Variants in MVP observed in about 807,000 individuals in gnomAD.
MVP encodes the protein major vault protein, also known as lung resistance-related protein.
In MVP, 62 loss-of-function variants were observed where a neutral mutation model predicts 83.5. The observed-to-expected ratio is 0.74, with a 90% CI of 0.61 to 0.92. MVP has a LOEUF of 0.92. Ranked by LOEUF, MVP falls within the 40% of genes least tolerant of loss-of-function variation. The pLI, the probability that MVP is intolerant of heterozygous loss-of-function variation, is 0.00. For missense variants in MVP, 1,000 were observed against 1,203.4 expected, an observed-to-expected ratio of 0.83 and a Z score of 2.50; for synonymous variants, 505 against 504.1, an observed-to-expected ratio of 1.00 and a Z score of -0.02.
chr16:29,823,900 C>G (rs927884761), intron 1 of MVP, among the ~76,000 whole-genome samples: 2 of 151,556 alleles, frequency 1.3e-5, no homozygotes, highest in African/African-American at 4.8e-5. Context: ...GAACCTCACC[C>G]AGACCAATTA....
chr16:29,827,968 AT>A (rs1300526024), intron 1 of MVP, among the ~76,000 whole-genome samples: 1 of 151,974 alleles, frequency 6.6e-6, no homozygotes, highest in African/African-American at 2.4e-5. Context: ...ATTTTATTTT[AT>A]TTTTTTCCAA....
rs767057696 is a variant in MVP at position 29,844,536 on chromosome 16, A to G, written c.1678A>G (p.Lys560Glu). The stretch of plus-strand genomic sequence containing the variant: ...CCGGAAGGACCCCCAAGAGACGGCC[A>G]AGCTCTTTTCAGTGCCAGACTTTGT... ...NDRKDPQETA[K>E]LFSVPDFVGD... The change falls in exon 11 of 15, where the codon AAG becomes GAG. Residue 560 changes from lysine (K) to glutamate (E), a missense_variant. Coordinates refer to ENST00000357402, the MANE Select transcript of MVP (RefSeq NM_005115.5). 3 of 1,576,292 alleles carry G rather than the reference A, an allele frequency of 1.9e-6. No individual in the cohort carries two copies. In the East Asian group the frequency reaches 6.8e-5, roughly 35 times the overall value.
intron 12 of MVP, 29 bp downstream of exon 12, chr16:29,846,008 G>T (rs950510935): frequency 1.2e-6 from 2 of 1,613,594 alleles, no homozygotes; most frequent in Non-Finnish European, 8.5e-7. Flanking sequence ...GAGGAGACTG[G>T]CAGGGGCCGA....
At position 29,844,521 on chromosome 16, in the gene MVP, C is replaced by T. The variant is rs1596928809; in HGVS notation, c.1663C>T (p.Pro555Ser). Residue 555 changes from proline to serine, a missense_variant, in exon 11 of 15, where the codon CCC becomes TCC. Coordinates refer to ENST00000357402, the MANE Select transcript of MVP (RefSeq NM_005115.5). ...CTTTGAGGTGAATGACCGGAAGGAC[C>T]CCCAAGAGACGGCCAAGCTCTTTTC... ...WHFEVNDRKDPQETAKLFSVP... is the reference protein window; with the variant it reads ...WHFEVNDRKDSQETAKLFSVP... The T allele has an allele frequency of 1.3e-6, 2 of 1,558,286 alleles. No individual in the cohort carries two copies. The highest frequency in any genetic ancestry group is 1.4e-5 in the African/African-American group (1 of 73,172).
intron 6 of MVP, 117 bp from the exon 7 acceptor site, chr16:29,836,605 T>G: frequency 5.2e-6 from 4 of 773,444 alleles, no homozygotes; most frequent in East Asian, 2.7e-5. Context: ...ATCCCTGGAT[T>G]GGTAGAAATT....
At chr16:29,842,658 T>G (rs1450460282) in intron 10 of MVP, among the ~76,000 whole-genome samples, 1 of 151,906 alleles carries the variant, frequency 6.6e-6, no homozygotes, top group Admixed American at 6.6e-5. Context: ...TGGGTGAGGG[T>G]TCCTGCTGGG....
In MVP at chr16:29,844,699, C is replaced by A; in HGVS notation, c.1841C>A (p.Pro614His). 1 of 1,614,002 alleles carries A rather than the reference C, an allele frequency of 6.2e-7. No individual in the cohort carries two copies. Among genetic ancestry groups the A allele is most frequent in the South Asian group, 1.1e-5 (1 of 91,084 alleles). The change falls in exon 11 of 15, where the codon CCC (proline) becomes CAC (histidine). Residue 614 changes from proline (P) to histidine (H), a missense_variant. By Grantham distance (77) the Pro-to-His change is moderately conservative (BLOSUM62 -2). Coordinates refer to ENST00000357402, the MANE Select transcript of MVP (RefSeq NM_005115.5). ...FGFETSEAKG[P>H]DGMALPRPRD... is the part of the protein sequence containing the mutation. The stretch of plus-strand genomic sequence containing the variant: ...TTTGAGACCTCGGAAGCGAAGGGCC[C>A]CGATGGCATGGCCCTGCCCAGGCCC...
chr16:29,847,496 GTGACC>G (rs2067595461), intron 14 of MVP, 111 bp downstream of exon 14: 1 of 1,131,314 alleles, frequency 8.8e-7, no homozygotes, highest in Non-Finnish European at 1.2e-6. Flanking sequence ...GGAGGGGTGA[GTGACC>G]TGACCCACGA....
chr16:29,826,875 C>T (rs1282220853), intron 1 of MVP, among the ~76,000 whole-genome samples: 5 of 145,250 alleles, frequency 3.4e-5, no homozygotes, highest in Admixed American at 7.1e-5. Flanking sequence ...TGCGGTGAGC[C>T]GAGATTGCGC....
chr16:29,845,498 C>T (rs146889107), intron 11 of MVP, among the ~76,000 whole-genome samples: 265 of 152,238 alleles, frequency 1.7e-3, no homozygotes, highest in African/African-American at 4.0e-3. Flanking sequence ...CAGGCTTCTC[C>T]TTCTGGCTTC....
Position 29,847,333 on chromosome 16 carries a change from C to T in MVP, c.2402C>T (p.Ala801Val). The change falls in exon 14 of 15, where the codon GCC becomes GTC. Residue 801 changes from alanine to valine, a missense_variant. Coordinates refer to ENST00000357402, the MANE Select transcript of MVP (RefSeq NM_005115.5). Reference protein sequence around the residue: ...EVKKFKQMTEAIGPSTIRDLA... With the variant: ...EVKKFKQMTEVIGPSTIRDLA... ...AAGAAGTTCAAGCAGATGACAGAGG[C>T]CATAGGCCCCAGCACCATCAGGGAC... 1.9e-6 allele frequency: 3 copies of T among 1,604,766 alleles called. No individual in the cohort carries two copies. The highest frequency in any genetic ancestry group is 2.6e-6 in the Non-Finnish European group (3 of 1,176,358).
At chr16:29,835,513 A>T (rs941712169) in intron 5 of MVP, 191 bp from the exon 6 acceptor site, 1 of 371,544 alleles carries the variant, frequency 2.7e-6, no homozygotes, top group Non-Finnish European at 4.9e-6. Context: ...AAACTTTTAA[A>T]ATTCAACTGG....
chr16:29,835,820 G>T (rs1459033578), intron 6 of MVP, 22 bp downstream of exon 6: 2 of 1,607,406 alleles, frequency 1.2e-6, no homozygotes, highest in Admixed American at 1.7e-5. Context: ...GGGGGCTGTG[G>T]TTTAAGGGAC....
At chr16:29,834,889 T>C (rs1596917830) in intron 5 of MVP, 4 of 119,820 alleles carry the variant, frequency 3.3e-5, no homozygotes, top group East Asian at 5.6e-4. Context: ...TTTTTTTTTT[T>C]AGTAGAGACA....
At chr16:29,844,328 C>T (rs760287914) in intron 10 of MVP, among the ~76,000 whole-genome samples, 165 bp from the exon 11 acceptor site, 1 of 151,974 alleles carries the variant, frequency 6.6e-6, no homozygotes, top group Non-Finnish European at 1.5e-5. Context: ...GCTGGCTGGG[C>T]GTGATCACAC....
chr16:29,831,679 G>T, intron 3 of MVP: 1 of 456,154 alleles, frequency 2.2e-6, no homozygotes, highest in South Asian at 1.5e-5. Flanking sequence ...AGCCAGTCTG[G>T]CATTAAATGA....
At position 29,845,992 on chromosome 16, in the gene MVP, C is replaced by T; in HGVS notation, c.2138+13C>T. On this transcript the variant is annotated intron_variant, in intron 12 of 14. Coordinates refer to ENST00000357402, the MANE Select transcript of MVP (RefSeq NM_005115.5). ...TGGAGGCTCTGAGGTGGGTTGAGAA[C>T]TAGAGGAGGAGACTGGCAGGGGCCG... The T allele has an allele frequency of 6.2e-7, 1 of 1,614,030 alleles. No individual in the cohort carries two copies. The highest frequency in any genetic ancestry group is 1.1e-5 in the South Asian group (1 of 91,076).
intron 1 of MVP, among the ~76,000 whole-genome samples, chr16:29,822,246 G>C (rs2150748983): frequency 6.6e-6 from 1 of 151,994 alleles, no homozygotes; most frequent in Admixed American, 6.6e-5. Context: ...GCAGGAGTGG[G>C]AGGAGGGAGG....
chr16:29,843,338 T>A (rs945918814), intron 10 of MVP, among the ~76,000 whole-genome samples: 9 of 147,806 alleles, frequency 6.1e-5, no homozygotes, highest in Admixed American at 5.5e-4. Flanking sequence ...AAAAAAAAAA[T>A]TTATAAACTA....
Sources: allele counts gnomAD v4.1 joint callset (sites outside exome capture counted in the v4.1 genomes callset), GRCh38; gene constraint gnomAD v4.1.1; transcripts MANE v1.5; gene names NCBI Gene and HGNC (gene_info 2026-07-23, HGNC 2026-07-21).